The following TSHZ2 variants were observed in gnomAD, a reference collection of about 807,000 sequenced individuals.
TSHZ2 encodes the protein teashirt homolog 2.
In TSHZ2, 21 loss-of-function variants were observed where a neutral mutation model predicts 74.4. The ratio of observed to expected loss-of-function variants is 0.28; its 90% CI spans 0.20 to 0.41. The LOEUF is 0.41. TSHZ2 is among the 10% of genes least tolerant of loss of function. TSHZ2 has a pLI of 1.00. For missense variants in TSHZ2, 1,244 were observed against 1,293.5 expected, an observed-to-expected ratio of 0.96 and a Z score of 0.59; for synonymous variants, 540 against 515.3, an observed-to-expected ratio of 1.05 and a Z score of -0.65.
At chr20:53,486,963 T>A (rs923902044) in intron 2 of TSHZ2, among the ~76,000 whole-genome samples, 181 bp from the exon 3 acceptor site, 1 of 152,184 alleles carries the variant, frequency 6.6e-6, no homozygotes, top group Non-Finnish European at 1.5e-5. Context: ...ATAGTTTTTT[T>A]CTCAAAGTTG....
At chr20:53,146,248 G>A (rs571303374) in intron 1 of TSHZ2, among the ~76,000 whole-genome samples, 6 of 152,160 alleles carry the variant, frequency 3.9e-5, no homozygotes, top group Admixed American at 1.3e-4. Flanking sequence ...TGGGGCAGGG[G>A]GCGGATGAGT....
At chr20:53,084,239 C>T (rs528339508) in intron 1 of TSHZ2, among the ~76,000 whole-genome samples, 7 of 152,190 alleles carry the variant, frequency 4.6e-5, no homozygotes, top group East Asian at 1.9e-4. Context: ...GTTTATATAT[C>T]GGTTAAATTG....
chr20:53,087,651 A>T (rs938079076), intron 1 of TSHZ2, among the ~76,000 whole-genome samples: 1 of 152,014 alleles, frequency 6.6e-6, no homozygotes, highest in African/African-American at 2.4e-5. Flanking sequence ...TCTTGGTAAA[A>T]CTCTTGGAAA....
intron 1 of TSHZ2, among the ~76,000 whole-genome samples, chr20:52,992,648 AT>A (rs971165454): frequency 2.6e-5 from 4 of 151,900 alleles, no homozygotes; most frequent in African/African-American, 7.2e-5. Flanking sequence ...TTCCTCAAAG[AT>A]TTTTTTTTCT....
intron 2 of TSHZ2, among the ~76,000 whole-genome samples, chr20:53,468,138 A>G (rs1235559157): frequency 6.6e-6 from 1 of 152,338 alleles, no homozygotes; most frequent in South Asian, 2.1e-4. Flanking sequence ...CATGTTAAAA[A>G]GCTAGTGGAG....
intron 2 of TSHZ2, among the ~76,000 whole-genome samples, chr20:53,277,232 G>C (rs1990965986): frequency 6.6e-6 from 1 of 151,748 alleles, no homozygotes; most frequent in African/African-American, 2.4e-5. Flanking sequence ...GAATTAATTG[G>C]CCCTAAAAGT....
At chr20:53,110,130 G>A (rs1382845414) in intron 1 of TSHZ2, among the ~76,000 whole-genome samples, 1 of 152,196 alleles carries the variant, frequency 6.6e-6, no homozygotes, top group Non-Finnish European at 1.5e-5. Flanking sequence ...GGAGCTATGA[G>A]TAGAGCAGTC....
chr20:53,096,920 A>C (rs1986068187), intron 1 of TSHZ2, among the ~76,000 whole-genome samples: 1 of 150,368 alleles, frequency 6.7e-6, no homozygotes, highest in South Asian at 2.1e-4. Context: ...AAAAACAAAA[A>C]ACAAAACAAA....
chr20:53,459,709 C>T lies in TSHZ2; in HGVS notation c.*9-27435C>T, dbSNP rs11699587. ...AGCGGCTGGTACCGGTTGTTCTTTT[C>T]CATGTTTAGCGCTTCCTTCAGGAGC... is the stretch of plus-strand genomic sequence containing the variant. On this transcript the variant is annotated intron_variant, in intron 2 of 2. Transcript: ENST00000371497. 6.0e-3 allele frequency among the ~76,000 whole-genome samples: 842 copies of T among 141,174 alleles called. 4 individuals carry two copies. Among genetic ancestry groups the T allele is most frequent in the Admixed American group, 9.1e-3 (125 of 13,692 alleles). The allele number at this position is 141,174 out of a possible 152,430, so 92.6% of individuals were successfully genotyped here.
chr20:53,057,674 A>G (rs1041873165), intron 1 of TSHZ2, among the ~76,000 whole-genome samples: 5 of 152,292 alleles, frequency 3.3e-5, no homozygotes, highest in Middle Eastern at 3.4e-3. Flanking sequence ...CTAATATACC[A>G]TGCCCCAAAT....
chr20:53,009,182 C>G (rs1284902296), intron 1 of TSHZ2, among the ~76,000 whole-genome samples: 1 of 151,462 alleles, frequency 6.6e-6, no homozygotes, highest in Non-Finnish European at 1.5e-5. Flanking sequence ...TATATATATA[C>G]AAAAAATTAG....
At chr20:53,481,770 T>G (rs114688010) in intron 2 of TSHZ2, among the ~76,000 whole-genome samples, 1,820 of 151,960 alleles carry the variant, frequency 0.012, 34 homozygotes, top group African/African-American at 0.042. Context: ...ATAGCTAAGT[T>G]TCATAAAAGA....
At chr20:53,367,394 ACT>A (rs1459555399) in intron 2 of TSHZ2, among the ~76,000 whole-genome samples, 1 of 151,628 alleles carries the variant, frequency 6.6e-6, no homozygotes, top group East Asian at 1.9e-4. Flanking sequence ...ATAAAATGAG[ACT>A]CTGTCTCAAA....
At chr20:53,036,146 A>C (rs1459178917) in intron 1 of TSHZ2, among the ~76,000 whole-genome samples, 1 of 152,210 alleles carries the variant, frequency 6.6e-6, no homozygotes, top group Non-Finnish European at 1.5e-5. Context: ...TGAAGTAAAA[A>C]TTTATGATGT....
chr20:53,044,059 C>T (rs1984140072), intron 1 of TSHZ2, among the ~76,000 whole-genome samples: 2 of 152,186 alleles, frequency 1.3e-5, no homozygotes, highest in Admixed American at 6.5e-5. Context: ...TCCTGCTCAC[C>T]GGGCATTCAC....
At chr20:53,446,472 G>C (rs550469699) in intron 2 of TSHZ2, among the ~76,000 whole-genome samples, 1 of 150,826 alleles carries the variant, frequency 6.6e-6, no homozygotes, top group Non-Finnish European at 1.5e-5. Flanking sequence ...CCAGCTACTC[G>C]GGAGGCTGAG....
At chr20:53,132,589 AT>A (rs1218961239) in intron 1 of TSHZ2, among the ~76,000 whole-genome samples, 3 of 151,788 alleles carry the variant, frequency 2.0e-5, no homozygotes, top group South Asian at 2.1e-4. Flanking sequence ...CCTGCCCATA[AT>A]TTTTTTTGTC....
chr20:53,312,009 A>T (rs1462359149), intron 2 of TSHZ2, among the ~76,000 whole-genome samples: 1 of 152,054 alleles, frequency 6.6e-6, no homozygotes, highest in Non-Finnish European at 1.5e-5. Context: ...TGAGCCCAGG[A>T]AGTTGAGGCT....
rs73911228 is a variant in TSHZ2, at chr20:53,239,936, T to C, written c.41-13563T>C. 4.1e-3 allele frequency among the ~76,000 whole-genome samples: 618 copies of C among 152,234 alleles called. 6 individuals are homozygous for C. The highest frequency in any genetic ancestry group is 0.014 in the African/African-American group (569 of 41,540). On this transcript the variant is annotated intron_variant, in intron 1 of 2. Transcript: ENST00000371497. ...ATAAAATGTGCGCATACAAATTAGA[T>C]ATATTATGAAGCTCTCAGTTGCAAG... is the stretch of plus-strand genomic sequence containing the variant.
Sources: allele counts gnomAD v4.1 joint callset (sites outside exome capture counted in the v4.1 genomes callset), GRCh38; gene constraint gnomAD v4.1.1; transcripts MANE v1.5; gene names NCBI Gene and HGNC (gene_info 2026-07-23, HGNC 2026-07-21).